Variants in PPIL6 observed in about 807,000 individuals in gnomAD.
PPIL6 encodes peptidylprolyl isomerase like 6.
A neutral mutation model predicts 36.8 loss-of-function variants in PPIL6; 39 were observed. The observed-to-expected ratio is 1.06, with a 90% CI of 0.82 to 1.38. The LOEUF is 1.38. PPIL6 is among the 40% of genes most tolerant of loss of function. The probability of loss-of-function intolerance (pLI) is 0.00; values close to 1 mark genes in which losing one functional copy is unlikely to be tolerated. For missense variants in PPIL6, 368 were observed against 379.1 expected (o/e 0.97, Z 0.24); for synonymous variants, 123 against 134.1 (o/e 0.92, Z 0.57).
intron 5 of PPIL6, among the ~76,000 whole-genome samples, chr6:109,423,210 T>C (rs998234873): frequency 6.6e-6 from 1 of 151,958 alleles, no homozygotes; most frequent in Non-Finnish European, 1.5e-5. Context: ...CTACTAAAAA[T>C]AGAAAAAATT....
chr6:109,432,757 G>A (rs1183582373), intron 2 of PPIL6, among the ~76,000 whole-genome samples: 1 of 152,040 alleles, frequency 6.6e-6, no homozygotes, highest in Non-Finnish European at 1.5e-5. Context: ...ACTGTAACCC[G>A]CCAGAATGTG....
rs1582533801 is a variant in PPIL6, at chr6:109,403,028, C to T, written c.689-2858G>A. 3.3e-6 allele frequency: 5 copies of T among 1,525,228 alleles called. No homozygotes were observed. The East Asian group carries it at 7.4e-5, about 23-fold the overall frequency. 94.5% of individuals were successfully genotyped at this position (1,525,228 alleles called of 1,614,324 possible). ...CTGACTCACTCTTTAATCGTCTGCTCACCTCGGTATTTCTCGATCTTTCCA... is the reference window on the plus strand; with the variant it reads ...CTGACTCACTCTTTAATCGTCTGCTTACCTCGGTATTTCTCGATCTTTCCA... On this transcript the variant is annotated intron_variant, in intron 6 of 7. Transcript: ENST00000521072.
rs1406518597 is a variant in PPIL6, at chr6:109,413,019, G to GC, written c.688+6167_688+6168insG. ...CTAAAAATACAAAAATTAGCCAGGT[G>GC]TAGTTATGTGCGCCTCTAATCCCAG... On this transcript the variant is annotated intron_variant, in intron 6 of 7. Transcript: ENST00000521072. This position sits in a 1 kb window ranked among gnomAD's most constrained non-coding sequence, Gnocchi z 4.6. Among the ~76,000 whole-genome samples the GC allele has an allele frequency of 2.0e-4, 31 of 152,110 alleles. No homozygotes were observed. The highest frequency in any genetic ancestry group is 4.4e-4 in the Non-Finnish European group (30 of 68,024).
At chr6:109,407,985 A>G (rs2115214762) in intron 6 of PPIL6, among the ~76,000 whole-genome samples, 1 of 152,304 alleles carries the variant, frequency 6.6e-6, no homozygotes, top group Non-Finnish European at 1.5e-5. Flanking sequence ...TAATAAATTC[A>G]CAAATAATAA....
intron 6 of PPIL6, among the ~76,000 whole-genome samples, chr6:109,414,658 T>A (rs892615117): frequency 1.3e-5 from 2 of 152,128 alleles, no homozygotes; most frequent in South Asian, 4.2e-4. Flanking sequence ...CTAATTTTTG[T>A]ATTTTTTGTA....
chr6:109,431,061 T>C, intron 3 of PPIL6, 96 bp downstream of exon 3: 1 of 885,994 alleles, frequency 1.1e-6, no homozygotes, highest in East Asian at 2.5e-5. Flanking sequence ...CCTACTTTTT[T>C]ATAATCTCCT....
rs1425421343 is a variant in PPIL6 at position 109,435,906 on chromosome 6, C to G, written c.231+198G>C. On this transcript the variant is annotated intron_variant, in intron 2 of 7. Transcript: ENST00000521072. ...CCCCACTGCACTCCAGCCTGGGTAACAGAGTGAGACCCTGTCTCAAAAACA... is the reference window on the plus strand; with the variant it reads ...CCCCACTGCACTCCAGCCTGGGTAAGAGAGTGAGACCCTGTCTCAAAAACA... Among the ~76,000 whole-genome samples the G allele has an allele frequency of 9.9e-5, 15 of 152,110 alleles. 1 individual carries two copies. The highest frequency in any genetic ancestry group is 4.4e-5 in the Non-Finnish European group (3 of 68,024).
At position 109,390,231 on chromosome 6, in the gene PPIL6, G is replaced by A. The variant is rs1271689986; in HGVS notation, c.*2595C>T. ...GCTACACCCTGAAGGTTACACATTA[G>A]TAATTTATTATTAAATTTATCGAGT... On this transcript the variant is annotated 3_prime_UTR_variant, in exon 8 of 8. Coordinates refer to ENST00000521072, the MANE Select transcript of PPIL6 (RefSeq NM_173672.5). 1.3e-5 allele frequency: 2 copies of A among 152,224 alleles called. No homozygotes were observed. Among genetic ancestry groups the A allele is most frequent in the African/African-American group, 4.8e-5 (2 of 41,458 alleles). 9.4% of individuals were successfully genotyped at this position (152,224 alleles called of 1,614,324 possible).
chr6:109,402,912 C>T (rs529722213), intron 6 of PPIL6: 20 of 633,054 alleles, frequency 3.2e-5, no homozygotes, highest in Admixed American at 1.4e-4. Flanking sequence ...AAGAAAGAAC[C>T]GTTTTAAATA....
chr6:109,393,678 G>A (rs181239092), intron 7 of PPIL6, among the ~76,000 whole-genome samples: 290 of 152,156 alleles, frequency 1.9e-3, no homozygotes, highest in Non-Finnish European at 2.8e-3. Context: ...CGGGGAGGTC[G>A]GGCCACATGC....
At chr6:109,433,179 C>A (rs2115283805) in intron 2 of PPIL6, among the ~76,000 whole-genome samples, 1 of 152,126 alleles carries the variant, frequency 6.6e-6, no homozygotes, top group South Asian at 2.1e-4. Flanking sequence ...GCCTCAGCCT[C>A]CCGAGTAGCT....
intron 7 of PPIL6, among the ~76,000 whole-genome samples, chr6:109,395,462 C>T (rs1772256839): frequency 6.6e-6 from 1 of 151,934 alleles, no homozygotes; most frequent in African/African-American, 2.4e-5. Flanking sequence ...ACACTAGCCA[C>T]ATTTCAAGTG....
intron 2 of PPIL6, among the ~76,000 whole-genome samples, chr6:109,434,139 C>T (rs905711928): frequency 6.6e-6 from 1 of 152,038 alleles, no homozygotes; most frequent in African/African-American, 2.4e-5. Context: ...TTAGGGTGAC[C>T]AACAGTTTTG....
At chr6:109,428,387 CA>C (rs1219570190) in intron 3 of PPIL6, among the ~76,000 whole-genome samples, 1 of 151,598 alleles carries the variant, frequency 6.6e-6, no homozygotes, top group Non-Finnish European at 1.5e-5. Context: ...CCTGTCTTTA[CA>C]AAAAAATTAA....
At position 109,404,580 on chromosome 6, in the gene PPIL6, C is replaced by T. The variant is rs117499906; in HGVS notation, c.689-4410G>A. The stretch of plus-strand genomic sequence containing the variant: ...ACTACAAGCCTTCCGAGTAGAAACT[C>T]GGTTATACCATCTTTGTTGCCACAG... On this transcript the variant is annotated intron_variant, in intron 6 of 7. Transcript: ENST00000521072. Among the ~76,000 whole-genome samples the T allele has an allele frequency of 9.4e-3, 1,426 of 152,296 alleles. 26 individuals are homozygous for T. Among genetic ancestry groups the T allele is most frequent in the East Asian group, 0.059 (306 of 5,182 alleles).
At chr6:109,419,267 AT>A in intron 5 of PPIL6, 24 bp from the exon 6 acceptor site, 2 of 1,434,740 alleles carry the variant, frequency 1.4e-6, no homozygotes, top group African/African-American at 2.8e-5. Context: ...ACAAATAAAC[AT>A]TAGAATTTTG....
intron 1 of PPIL6, among the ~76,000 whole-genome samples, chr6:109,436,716 A>G (rs1774467129): frequency 6.6e-6 from 1 of 152,102 alleles, no homozygotes; most frequent in Admixed American, 6.6e-5. Context: ...GTGGGACTCT[A>G]TTTCAAAAAA....
intron 6 of PPIL6, among the ~76,000 whole-genome samples, chr6:109,416,642 CT>C (rs1179542129): frequency 6.6e-6 from 1 of 151,842 alleles, no homozygotes; most frequent in African/African-American, 2.4e-5. Flanking sequence ...TCAGAAGAAG[CT>C]GCTTCTCCTG....
rs183573750 is a variant in PPIL6 at position 109,436,781 on chromosome 6, A to G, written c.136-582T>C. On this transcript the variant is annotated intron_variant, in intron 1 of 7. Transcript: ENST00000521072. ...AAAAACTCTGTCTTAGTATTCCTAT[A>G]TTCCCACCTGCCACAATCTCTGGCA... 7.2e-5 allele frequency among the ~76,000 whole-genome samples: 11 copies of G among 152,262 alleles called. No homozygotes were observed. In the East Asian group the frequency reaches 1.9e-3, roughly 27 times the overall value.
Sources: allele counts gnomAD v4.1 joint callset (sites outside exome capture counted in the v4.1 genomes callset), GRCh38; gene constraint gnomAD v4.1.1; non-coding constraint Gnocchi (gnomAD v3.1); transcripts MANE v1.5; gene names NCBI Gene and HGNC (gene_info 2026-07-23, HGNC 2026-07-21).